Variants in CAMKK1 observed in about 807,000 individuals in gnomAD.
CAMKK1 encodes the protein calcium/calmodulin dependent protein kinase kinase 1, also known as calcium/calmodulin-dependent protein kinase kinase 1.
A neutral mutation model predicts 63.5 loss-of-function variants in CAMKK1; 20 were observed. The ratio of observed to expected loss-of-function variants is 0.32; its 90% CI spans 0.22 to 0.46. The LOEUF (loss-of-function observed/expected upper bound fraction) is 0.46, where lower values mean the gene tolerates loss of function less well. Among genes scored for constraint, CAMKK1 ranks in the 20% least tolerant of loss-of-function variants. The pLI is 1.00. For synonymous variants in CAMKK1, 253 were observed against 269.0 expected, an observed-to-expected ratio of 0.94 and a Z score of 0.58; for missense variants, 588 against 658.1, an observed-to-expected ratio of 0.89 and a Z score of 1.17.
intron 1 of CAMKK1, among the ~76,000 whole-genome samples, chr17:3,888,697 G>T (rs1465530032): frequency 6.6e-6 from 1 of 152,228 alleles, no homozygotes; most frequent in East Asian, 1.9e-4. Context: ...GCGGAAGGCG[G>T]CCGCGAGGGC....
rs1471570104 is a variant in CAMKK1 at position 3,890,826 on chromosome 17, C to T, written c.-44+2113G>A. The T allele has an allele frequency of 9.0e-6, 7 of 776,498 alleles. No individual in the cohort carries two copies. Among genetic ancestry groups the T allele is most frequent in the East Asian group, 2.4e-5 (1 of 41,178 alleles). The allele number at this position is 776,498 out of a possible 1,614,324, so 48.1% of individuals were successfully genotyped here. A position where few individuals can be genotyped will look rare whatever the true frequency, so the allele number is the denominator to read the frequency against. Reference sequence around the variant, plus strand: ...TGCCTGGAGGACAGCTCAGACATCGCCTCTTCTGAGCCCTCCTTGATCTCC... The same window carrying T: ...TGCCTGGAGGACAGCTCAGACATCGTCTCTTCTGAGCCCTCCTTGATCTCC... On this transcript the variant is annotated intron_variant, in intron 1 of 15. Transcript: ENST00000348335. The surrounding 1 kb of genome is among the most constrained non-coding windows in gnomAD (Gnocchi z 6.5).
chr17:3,892,972 G>C lies in CAMKK1; in HGVS notation c.-77C>G, dbSNP rs993020064. 2 of 150,332 alleles carry C rather than the reference G, an allele frequency of 1.3e-5. No homozygotes were observed. The highest frequency in any genetic ancestry group is 4.9e-5 in the African/African-American group (2 of 41,028). 9.3% of individuals were successfully genotyped at this position (150,332 alleles called of 1,614,324 possible). A position where few individuals can be genotyped will look rare whatever the true frequency, so the allele number is the denominator to read the frequency against. ...CGGGCGACAGTGTCCGCGGCCCGGC[G>C]GGCGGCCCCACTCGCTCCTGCTGCG... On this transcript the variant is annotated 5_prime_UTR_variant, in exon 1 of 16. Coordinates refer to ENST00000348335, the MANE Select transcript of CAMKK1 (RefSeq NM_032294.3). This position sits in a 1 kb window ranked among gnomAD's most constrained non-coding sequence, Gnocchi z 7.5.
At chr17:3,871,882 G>A (rs570886391) in intron 12 of CAMKK1, among the ~76,000 whole-genome samples, 3 of 151,898 alleles carry the variant, frequency 2.0e-5, no homozygotes, top group Non-Finnish European at 2.9e-5. Flanking sequence ...CTAACCTCAG[G>A]TGATCTGCCC....
rs1429523891 is a variant in CAMKK1, at chr17:3,866,832, G to A, written c.1342-821C>T. On this transcript the variant is annotated intron_variant, in intron 14 of 15. Transcript: ENST00000348335. ...CCTCCCCGCTTCAAATGATCCTTCC[G>A]CCTCAGTCTCCTGAATAGCTGGGAT... Among the ~76,000 whole-genome samples the A allele has an allele frequency of 5.3e-5, 8 of 151,858 alleles. No homozygotes were observed. In the East Asian group the frequency reaches 5.8e-4, roughly 11 times the overall value.
Position 3,876,231 on chromosome 17 carries a change from T to A in CAMKK1, c.988A>T (p.Ser330Cys), listed in dbSNP as rs1265246111. ...CAGGGCCTGCGAGTCACCTTCCCAC[T>A]GAAGCTCTGGCCGGAATCAGAAATG... ...EAISDSGQSF[S>C]GKALDVWATG... is the part of the protein sequence containing the mutation. Residue 330 changes from serine (S) to cysteine (C), a missense_variant, in exon 10 of 16, where the codon AGT becomes TGT. By Grantham distance (112) the Ser-to-Cys change is moderately radical (BLOSUM62 -1). This residue lies in a region of CAMKK1 where 226 missense variants were observed against 229.2 expected (regional missense o/e 0.99). Transcript: ENST00000348335. The A allele has an allele frequency of 6.2e-7, 1 of 1,614,030 alleles. No homozygotes were observed. Among genetic ancestry groups the A allele is most frequent in the South Asian group, 1.1e-5 (1 of 91,086 alleles).
intron 11 of CAMKK1, 36 bp from the exon 12 acceptor site, chr17:3,872,663 C>T (rs1250296758): frequency 1.9e-6 from 3 of 1,584,704 alleles, no homozygotes; most frequent in Non-Finnish European, 2.6e-6. Flanking sequence ...GATGTGGGTC[C>T]AGGGCCTCGA....
Position 3,861,827 on chromosome 17 carries a change from T to A in CAMKK1, c.*384A>T, listed in dbSNP as rs990529867. ...GCCTGCCCGGCCCCAGCGGGAGGTC[T>A]CTTCCGTTGTGGTAAGCCTGGCCTC... is the stretch of plus-strand genomic sequence containing the variant. On this transcript the variant is annotated 3_prime_UTR_variant, in exon 16 of 16. Transcript: ENST00000348335. 3 of 253,430 alleles carry A rather than the reference T, an allele frequency of 1.2e-5. No homozygotes were observed. The Admixed American group carries it at 1.4e-4, about 12-fold the overall frequency. 15.7% of individuals were successfully genotyped at this position (253,430 alleles called of 1,614,324 possible). A position where few individuals can be genotyped will look rare whatever the true frequency, so the allele number is the denominator to read the frequency against.
chr17:3,881,302 G>A (rs900973910), intron 8 of CAMKK1, among the ~76,000 whole-genome samples: 1 of 152,158 alleles, frequency 6.6e-6, no homozygotes, highest in Non-Finnish European at 1.5e-5. Flanking sequence ...TTGAATACCG[G>A]TAAGAGTTGA....
At position 3,882,938 on chromosome 17, in the gene CAMKK1, A is replaced by C. The variant is rs9913286; in HGVS notation, c.648+104T>G. On this transcript the variant is annotated intron_variant, in intron 6 of 15. Coordinates refer to ENST00000348335, the MANE Select transcript of CAMKK1 (RefSeq NM_032294.3). This position sits in a 1 kb window ranked among gnomAD's most constrained non-coding sequence, Gnocchi z 4.3. ...CTCAGAGGCCTCAGCCACATCTGCC[A>C]CCTGGGCAAGATCCCTGGGTCTGTG... 33,244 of 1,465,772 alleles carry C rather than the reference A, an allele frequency of 0.023. 1,983 individuals carry two copies. Among genetic ancestry groups the C allele is most frequent in the African/African-American group, 0.23 (16,090 of 71,338 alleles). 90.8% of individuals were successfully genotyped at this position (1,465,772 alleles called of 1,614,324 possible). A position where few individuals can be genotyped will look rare whatever the true frequency, so the allele number is the denominator to read the frequency against.
rs893061580 is a variant in CAMKK1 at position 3,883,036 on chromosome 17, C to T, written c.648+6G>A. 1 of 1,613,816 alleles carries T rather than the reference C, an allele frequency of 6.2e-7. No individual in the cohort carries two copies. Among genetic ancestry groups the T allele is most frequent in the Non-Finnish European group, 8.5e-7 (1 of 1,179,934 alleles). On this transcript the variant is annotated splice_donor_region_variant and intron_variant, in intron 6 of 15. Transcript: ENST00000348335. This position sits in a 1 kb window ranked among gnomAD's most constrained non-coding sequence, Gnocchi z 4.7. ...TGGTTCCCACCTGCTCACCACCACC[C>T]CCTACCTCGATCAGTTTGACCACAT...
In CAMKK1 at chr17:3,882,401, T is replaced by C. The variant is rs1440711372; in HGVS notation, c.685+127A>G. 3.8e-6 allele frequency: 6 copies of C among 1,593,242 alleles called. No homozygotes were observed. The highest frequency in any genetic ancestry group is 5.2e-6 in the Non-Finnish European group (6 of 1,161,386). On this transcript the variant is annotated intron_variant, in intron 7 of 15. Transcript: ENST00000348335. This position sits in a 1 kb window ranked among gnomAD's most constrained non-coding sequence, Gnocchi z 4.3. ...CAAGGGAATCCAGGGCTTCAGAACG[T>C]GTGTTTTTCTTCTGTCCCCAGGAGG...
chr17:3,865,190 G>C, intron 15 of CAMKK1: 1 of 985,760 alleles, frequency 1.0e-6, no homozygotes, highest in Non-Finnish European at 1.2e-6. Flanking sequence ...TTATAGTGAA[G>C]AAGGTGGATC....
chr17:3,887,927 A>C lies in CAMKK1; in HGVS notation c.-43-2197T>G, dbSNP rs1340275956. Among the ~76,000 whole-genome samples the C allele has an allele frequency of 6.6e-6, 1 of 151,954 alleles. No individual in the cohort carries two copies. The highest frequency in any genetic ancestry group is 1.9e-4 in the East Asian group (1 of 5,172). ...CCCTCCCGAATGTAAGTTTCATGAG[A>C]TTAGGACGCTCATCTGCCTTGTCTC... On this transcript the variant is annotated intron_variant, in intron 1 of 15. Transcript: ENST00000348335. This position sits in a 1 kb window ranked among gnomAD's most constrained non-coding sequence, Gnocchi z 6.1.
chr17:3,869,015 C>A (rs2054710403), intron 14 of CAMKK1, among the ~76,000 whole-genome samples: 1 of 150,016 alleles, frequency 6.7e-6, no homozygotes, highest in East Asian at 2.0e-4. Flanking sequence ...GTGGCCCAGG[C>A]TGGAGTGCAG....
chr17:3,882,442 C>A lies in CAMKK1; in HGVS notation c.685+86G>T. 6.3e-7 allele frequency: 1 copy of A among 1,577,140 alleles called. No homozygotes were observed. On this transcript the variant is annotated intron_variant, in intron 7 of 15. Coordinates refer to ENST00000348335, the MANE Select transcript of CAMKK1 (RefSeq NM_032294.3). The surrounding 1 kb of genome is among the most constrained non-coding windows in gnomAD (Gnocchi z 4.3). ...CCCCAGGAGGTCAGTGCATTTACAC[C>A]GCCCACCTGAAGGTCATACATGTCC... is the stretch of plus-strand genomic sequence containing the variant.
At chr17:3,865,872 G>A (rs1270635871) in intron 15 of CAMKK1, 36 bp downstream of exon 15, 1 of 1,613,136 alleles carries the variant, frequency 6.2e-7, no homozygotes, top group East Asian at 2.2e-5. Flanking sequence ...CCAACTCCAG[G>A]GAGTGCCCGG....
chr17:3,875,211 A>G (rs2143837296), intron 10 of CAMKK1, among the ~76,000 whole-genome samples: 1 of 152,344 alleles, frequency 6.6e-6, no homozygotes, highest in East Asian at 1.9e-4. Context: ...ATTTCTTTGT[A>G]CTATTCTTCC....
chr17:3,864,644 C>T (rs1297161986), intron 15 of CAMKK1, among the ~76,000 whole-genome samples: 1 of 152,184 alleles, frequency 6.6e-6, no homozygotes, highest in Non-Finnish European at 1.5e-5. Flanking sequence ...ACACTAAGCA[C>T]AATTCCAGCA....
intron 9 of CAMKK1, 189 bp downstream of exon 9, chr17:3,880,157 G>C: frequency 1.7e-6 from 1 of 599,760 alleles, no homozygotes; most frequent in Admixed American, 2.8e-5. Flanking sequence ...GCCCAGTGGA[G>C]TCCACCGCCC....
Sources: gnomAD v4.1 joint callset for allele counts (sites outside exome capture counted in the v4.1 genomes callset) on GRCh38, gnomAD v4.1.1 for gene constraint, gnomAD v4.1.1 regional missense constraint, Gnocchi (gnomAD v3.1) non-coding constraint, MANE v1.5 for transcripts, NCBI Gene and HGNC (gene_info 2026-07-23, HGNC 2026-07-21) for gene names.